The following NEO1 variants were observed in gnomAD, a reference collection of about 807,000 sequenced individuals.
The protein encoded by NEO1 is neogenin.
Under a neutral mutation model 159.7 loss-of-function variants are expected in NEO1, and 63 were observed. The observed-to-expected ratio is 0.39, with a 90% CI of 0.32 to 0.49. The LOEUF (loss-of-function observed/expected upper bound fraction) is 0.49, where lower values mean the gene tolerates loss of function less well. Ranked by LOEUF, NEO1 falls within the 20% of genes least tolerant of loss-of-function variation. The probability of loss-of-function intolerance (pLI) is 0.85; values close to 1 mark genes in which losing one functional copy is unlikely to be tolerated. For synonymous variants in NEO1, 633 were observed against 662.0 expected (o/e 0.96, Z 0.67); for missense variants, 1,615 against 1,831.0 (o/e 0.88, Z 2.15).
intron 7 of NEO1, among the ~76,000 whole-genome samples, chr15:73,208,973 A>T (rs2037396018): frequency 6.6e-6 from 1 of 152,190 alleles, no homozygotes; most frequent in Admixed American, 6.5e-5. Flanking sequence ...GGGAGTGGGG[A>T]TATAGTTCTT....
intron 1 of NEO1, among the ~76,000 whole-genome samples, chr15:73,099,864 A>G (rs1411778498): frequency 6.6e-6 from 1 of 152,210 alleles, no homozygotes; most frequent in Non-Finnish European, 1.5e-5. Context: ...AAATCGCTTT[A>G]AAAATGTGAA....
chr15:73,269,047 G>A (rs1167694573), intron 16 of NEO1, among the ~76,000 whole-genome samples: 1 of 152,178 alleles, frequency 6.6e-6, no homozygotes, highest in Non-Finnish European at 1.5e-5. Context: ...TGAAGGAAGA[G>A]TACACCCTTG....
intron 2 of NEO1, among the ~76,000 whole-genome samples, chr15:73,118,065 G>A (rs2071423124): frequency 6.6e-6 from 1 of 151,988 alleles, no homozygotes. Context: ...TATAATTTAA[G>A]TTCTTAAATA....
chr15:73,249,512 G>A, intron 10 of NEO1, 71 bp from the exon 11 acceptor site: 5 of 1,424,852 alleles, frequency 3.5e-6, no homozygotes, highest in Non-Finnish European at 4.7e-6. Context: ...AATTTGTGTA[G>A]CTAATTCTTT....
intron 7 of NEO1, among the ~76,000 whole-genome samples, chr15:73,183,596 G>A (rs2035743753): frequency 1.3e-5 from 2 of 152,160 alleles, no homozygotes. Context: ...GCCACAGGAA[G>A]AAGAGCCAGA....
chr15:73,102,698 C>T (rs1426480039), intron 1 of NEO1, among the ~76,000 whole-genome samples: 1 of 152,178 alleles, frequency 6.6e-6, no homozygotes, highest in African/African-American at 2.4e-5. Flanking sequence ...TTTTCTTTCT[C>T]TGCCTGTCTC....
chr15:73,066,351 T>G (rs1164485938), intron 1 of NEO1, among the ~76,000 whole-genome samples: 2 of 150,350 alleles, frequency 1.3e-5, no homozygotes, highest in African/African-American at 4.9e-5. Flanking sequence ...TTAAATAGTT[T>G]GCAGGTCTCT....
intron 7 of NEO1, among the ~76,000 whole-genome samples, chr15:73,212,410 A>G (rs908298884): frequency 7.2e-5 from 11 of 152,146 alleles, no homozygotes; most frequent in African/African-American, 2.2e-4. Context: ...CTTCTTTCAT[A>G]TATTATAGAT....
intron 22 of NEO1, among the ~76,000 whole-genome samples, chr15:73,281,409 A>G (rs1272231200): frequency 1.3e-5 from 2 of 151,376 alleles, no homozygotes; most frequent in Non-Finnish European, 2.9e-5. Context: ...CACCGCCACC[A>G]TGCCCGGCTA....
intron 1 of NEO1, among the ~76,000 whole-genome samples, chr15:73,053,183 G>A (rs1259887951): frequency 6.6e-6 from 1 of 152,100 alleles, no homozygotes; most frequent in Non-Finnish European, 1.5e-5. Flanking sequence ...TAAACAATCA[G>A]ACGGCCAATT....
intron 7 of NEO1, among the ~76,000 whole-genome samples, chr15:73,231,719 A>G (rs2038921707): frequency 6.6e-6 from 1 of 152,144 alleles, no homozygotes; most frequent in African/African-American, 2.4e-5. Flanking sequence ...AAGACCCTGA[A>G]TATGCAGGCA....
intron 7 of NEO1, among the ~76,000 whole-genome samples, chr15:73,198,774 T>G (rs970114664): frequency 6.6e-6 from 1 of 152,050 alleles, no homozygotes; most frequent in Non-Finnish European, 1.5e-5. Context: ...ACTAATTTCC[T>G]CTTTTTTCTT....
intron 6 of NEO1, among the ~76,000 whole-genome samples, chr15:73,176,874 G>GTGTA (rs2035305557): frequency 6.6e-6 from 1 of 152,164 alleles, no homozygotes; most frequent in African/African-American, 2.4e-5. Context: ...ATGTGTGTGC[G>GTGTA]TGTATGTGTG....
At chr15:73,276,110 G>A (rs554459158) in intron 21 of NEO1, among the ~76,000 whole-genome samples, 47 of 152,236 alleles carry the variant, frequency 3.1e-4, no homozygotes, top group African/African-American at 1.1e-3. Flanking sequence ...GAATATAAAT[G>A]GGCTCATTGT....
intron 13 of NEO1, among the ~76,000 whole-genome samples, chr15:73,258,287 T>C (rs2040461727): frequency 6.6e-6 from 1 of 152,258 alleles, no homozygotes; most frequent in African/African-American, 2.4e-5. Flanking sequence ...AAAATTTTTC[T>C]GCCATGATTA....
intron 7 of NEO1, among the ~76,000 whole-genome samples, chr15:73,203,862 G>A (rs1199029765): frequency 6.6e-6 from 1 of 151,706 alleles, no homozygotes; most frequent in East Asian, 1.9e-4. Flanking sequence ...TTACCTTTTA[G>A]GTCAACTAAG....
At chr15:73,265,461 T>TA (rs1390970519) in intron 15 of NEO1, among the ~76,000 whole-genome samples, 1 of 152,166 alleles carries the variant, frequency 6.6e-6, no homozygotes, top group Non-Finnish European at 1.5e-5. Context: ...TGATGACACA[T>TA]ACATGCTAAT....
chr15:73,164,514 C>T (rs2034434270), intron 5 of NEO1, among the ~76,000 whole-genome samples: 1 of 152,154 alleles, frequency 6.6e-6, no homozygotes. Flanking sequence ...CACGCCCAGC[C>T]TCTTTTTCTT....
chr15:73,269,921 A>G lies in NEO1; in HGVS notation c.2495-89A>G, dbSNP rs978395833. 4.0e-6 allele frequency: 4 copies of G among 1,005,906 alleles called. No individual in the cohort carries two copies. The African/African-American group carries it at 4.8e-5, about 12-fold the overall frequency. 62.3% of individuals were successfully genotyped at this position (1,005,906 alleles called of 1,614,324 possible). A position where few individuals can be genotyped will look rare whatever the true frequency, so the allele number is the denominator to read the frequency against. On this transcript the variant is annotated intron_variant, in intron 16 of 28. Transcript: ENST00000261908. The stretch of plus-strand genomic sequence containing the variant: ...TCTTTTTCTCCATTTCTCACCTTTC[A>G]TTCCATTATATTACCCTGCATTTCC...
Sources: gnomAD v4.1 joint callset for allele counts (sites outside exome capture counted in the v4.1 genomes callset) on GRCh38, gnomAD v4.1.1 for gene constraint, MANE v1.5 for transcripts, NCBI Gene and HGNC (gene_info 2026-07-23, HGNC 2026-07-21) for gene names.